Variants in PLXNA2 observed in about 807,000 individuals in gnomAD.
The protein encoded by PLXNA2 is plexin-A2.
PLXNA2 carries 91 observed loss-of-function variants against 193.5 expected under a neutral mutation model. The observed-to-expected ratio is 0.47, with a 90% CI of 0.40 to 0.56. The LOEUF (loss-of-function observed/expected upper bound fraction) is 0.56, where lower values mean the gene tolerates loss of function less well. Among genes scored for constraint, PLXNA2 ranks in the 20% least tolerant of loss-of-function variants. The probability of loss-of-function intolerance (pLI) is 0.00; values close to 1 mark genes in which losing one functional copy is unlikely to be tolerated. For synonymous variants in PLXNA2, 997 were observed against 1,027.3 expected (o/e 0.97, Z 0.56); for missense variants, 1,995 against 2,503.2 (o/e 0.80, Z 4.33).
Position 208,216,965 on chromosome 1 carries a change from C to G in PLXNA2, c.958G>C (p.Asp320His), listed in dbSNP as rs768962549. The G allele has an allele frequency of 6.2e-7, 1 of 1,613,624 alleles. No homozygotes were observed. Among genetic ancestry groups the G allele is most frequent in the South Asian group, 1.1e-5 (1 of 91,050 alleles). Residue 320 changes from aspartate to histidine, a missense_variant, in exon 2 of 32, where the codon GAC (aspartate) becomes CAC (histidine). Transcript: ENST00000367033. ...LQAAYLAKPGDSLAQAFNITS... is the reference protein window; with the variant it reads ...LQAAYLAKPGHSLAQAFNITS... ...ATATTGAAGGCCTGGGCCAGTGAGTCCCCAGGCTTGGCCAGGTAAGCAGCC... is the reference window on the plus strand; with the variant it reads ...ATATTGAAGGCCTGGGCCAGTGAGTGCCCAGGCTTGGCCAGGTAAGCAGCC...
intron 1 of PLXNA2, 49 bp downstream of exon 1, chr1:208,243,594 G>A (rs1196864557): frequency 6.6e-6 from 1 of 152,136 alleles, no homozygotes; most frequent in African/African-American, 2.4e-5. Flanking sequence ...TGTGGGGAGA[G>A]GGCGGAGGGC....
At chr1:208,030,982 A>G in intron 29 of PLXNA2, 1 of 988,256 alleles carries the variant, frequency 1.0e-6, no homozygotes, top group Non-Finnish European at 1.2e-6. Flanking sequence ...TCATGCCTGC[A>G]GGGCATTCTG....
chr1:208,237,308 T>TA (rs1427637677), intron 1 of PLXNA2, among the ~76,000 whole-genome samples: 1 of 152,192 alleles, frequency 6.6e-6, no homozygotes, highest in Non-Finnish European at 1.5e-5. Context: ...TTCCATTTAA[T>TA]AACTTCATTC....
intron 4 of PLXNA2, among the ~76,000 whole-genome samples, chr1:208,105,883 G>A (rs11118986): frequency 0.29 from 44,250 of 151,930 alleles, 6,788 homozygotes; most frequent in South Asian, 0.37. Context: ...CATTGCATTC[G>A]GCCCGTCTGT....
intron 14 of PLXNA2, 68 bp downstream of exon 14, chr1:208,054,353 G>T: frequency 9.3e-7 from 1 of 1,079,506 alleles, no homozygotes; most frequent in Non-Finnish European, 1.4e-6. Context: ...GGGGCTTCCT[G>T]GGAGGAGTCT....
chr1:208,078,486 C>T (rs1666229864), intron 12 of PLXNA2, among the ~76,000 whole-genome samples: 1 of 152,194 alleles, frequency 6.6e-6, no homozygotes, highest in Admixed American at 6.5e-5. Context: ...CTTTCTTAAA[C>T]ATGCAGATCA....
At chr1:208,142,153 C>T (rs545344786) in intron 4 of PLXNA2, among the ~76,000 whole-genome samples, 176 bp downstream of exon 4, 1 of 152,330 alleles carries the variant, frequency 6.6e-6, no homozygotes, top group East Asian at 1.9e-4. Flanking sequence ...TGGCTGGCCC[C>T]CGGCTGCTTC....
chr1:208,127,249 G>T (rs1668001230), intron 4 of PLXNA2, among the ~76,000 whole-genome samples: 1 of 141,602 alleles, frequency 7.1e-6, no homozygotes, highest in African/African-American at 2.6e-5. Context: ...AGCTGATTTG[G>T]GTATGATACA....
chr1:208,152,177 A>G (rs1485206342), intron 3 of PLXNA2, among the ~76,000 whole-genome samples: 3 of 152,244 alleles, frequency 2.0e-5, no homozygotes, highest in African/African-American at 7.2e-5. Flanking sequence ...AGGGATGGGA[A>G]GGGAGGTCGA....
chr1:208,068,966 T>C (rs943645291), intron 12 of PLXNA2, among the ~76,000 whole-genome samples: 5 of 152,294 alleles, frequency 3.3e-5, no homozygotes, highest in Non-Finnish European at 7.4e-5. Context: ...TGTATATCGT[T>C]TGCAGGATTC....
chr1:208,095,759 T>C (rs920095805), intron 8 of PLXNA2, among the ~76,000 whole-genome samples: 1 of 152,210 alleles, frequency 6.6e-6, no homozygotes, highest in Non-Finnish European at 1.5e-5. Context: ...TCTCTGACTC[T>C]CTTTTTACTA....
intron 26 of PLXNA2, 146 bp from the exon 27 acceptor site, chr1:208,034,738 G>A (rs1261126943): frequency 3.4e-6 from 2 of 586,396 alleles, no homozygotes; most frequent in Non-Finnish European, 6.2e-6. Context: ...CATTACTGCT[G>A]TTTTTTGAGC....
chr1:208,080,952 C>T (rs541411450), intron 11 of PLXNA2, among the ~76,000 whole-genome samples: 1 of 152,324 alleles, frequency 6.6e-6, no homozygotes, highest in African/African-American at 2.4e-5. Flanking sequence ...GTGTGGTCCT[C>T]TCCACCCAGC....
At chr1:208,200,902 G>A (rs1670532130) in intron 3 of PLXNA2, among the ~76,000 whole-genome samples, 1 of 152,128 alleles carries the variant, frequency 6.6e-6, no homozygotes, top group Non-Finnish European at 1.5e-5. Context: ...AACCGCGCCT[G>A]GCCTCCAATC....
At chr1:208,165,549 C>T (rs927717480) in intron 3 of PLXNA2, among the ~76,000 whole-genome samples, 2 of 152,146 alleles carry the variant, frequency 1.3e-5, no homozygotes, top group African/African-American at 2.4e-5. Context: ...CGATTTTGTT[C>T]GCCTTAACCC....
At chr1:208,098,458 T>TCTCTCTCTCTCACACACA (rs368366958) in intron 6 of PLXNA2, among the ~76,000 whole-genome samples, 1 of 123,428 alleles carries the variant, frequency 8.1e-6, no homozygotes, top group African/African-American at 3.2e-5. Flanking sequence ...TCTCTCTCTC[T>TCTCTCTCTCTCACACACA]CACACACACA....
intron 1 of PLXNA2, among the ~76,000 whole-genome samples, chr1:208,233,111 G>T (rs1233473329): frequency 6.6e-6 from 1 of 152,084 alleles, no homozygotes; most frequent in African/African-American, 2.4e-5. Flanking sequence ...GATAGCTCTG[G>T]CTAATCTCTC....
At chr1:208,178,793 A>G (rs1209618654) in intron 3 of PLXNA2, among the ~76,000 whole-genome samples, 2 of 152,254 alleles carry the variant, frequency 1.3e-5, no homozygotes, top group Non-Finnish European at 2.9e-5. Context: ...GAAACTTACA[A>G]AATCAGCATT....
intron 3 of PLXNA2, among the ~76,000 whole-genome samples, chr1:208,170,790 G>T (rs939354273): frequency 2.6e-5 from 4 of 152,088 alleles, no homozygotes; most frequent in Admixed American, 6.5e-5. Context: ...AGTGTTTTAA[G>T]TGCCTCCGGA....
Sources: allele counts gnomAD v4.1 joint callset (sites outside exome capture counted in the v4.1 genomes callset), GRCh38; gene constraint gnomAD v4.1.1; transcripts MANE v1.5; gene names NCBI Gene and HGNC (gene_info 2026-07-23, HGNC 2026-07-21).